The following ABR variants were observed in gnomAD, a reference collection of about 807,000 sequenced individuals.
ABR encodes ABR activator of RhoGEF and GTPase, also known as active breakpoint cluster region-related protein.
A neutral mutation model predicts 107.2 loss-of-function variants in ABR; 35 were observed. That is an observed-to-expected ratio of 0.33 (90% CI 0.25 to 0.43). The LOEUF is 0.43. Ranked by LOEUF, ABR falls within the 20% of genes least tolerant of loss-of-function variation. The pLI, the probability that ABR is intolerant of heterozygous loss-of-function variation, is 1.00. For missense variants in ABR, 815 were observed against 1,115.2 expected (o/e 0.73, Z 3.83); for synonymous variants, 498 against 462.0 (o/e 1.08, Z -1.00).
intron 16 of ABR, among the ~76,000 whole-genome samples, chr17:1,025,783 A>C (rs924757059): frequency 1.3e-5 from 2 of 151,732 alleles, no homozygotes; most frequent in Admixed American, 6.6e-5. Context: ...ACCGGCAAGG[A>C]TCTCATTTGT....
chr17:1,178,471 G>A (rs1030302643), intron 1 of ABR, among the ~76,000 whole-genome samples: 1 of 151,966 alleles, frequency 6.6e-6, no homozygotes, highest in African/African-American at 2.4e-5. Flanking sequence ...GGCTGAGGCG[G>A]GAGAATCACT....
At chr17:1,052,084 ACC>A (rs2032619171) in intron 14 of ABR, among the ~76,000 whole-genome samples, 3 of 149,886 alleles carry the variant, frequency 2.0e-5, no homozygotes, top group South Asian at 2.1e-4. Flanking sequence ...AAAAAAAAAA[ACC>A]AAAAAAACCA....
chr17:1,114,185 A>AC (rs4013601), intron 2 of ABR, among the ~76,000 whole-genome samples: 1 of 150,728 alleles, frequency 6.6e-6, no homozygotes, highest in African/African-American at 2.4e-5. Context: ...AAAAAAAAAA[A>AC]TTAGGCTGGG....
At chr17:1,055,739 G>A (rs984444364) in intron 14 of ABR, 5 of 320,974 alleles carry the variant, frequency 1.6e-5, no homozygotes, top group Admixed American at 1.2e-4. Flanking sequence ...ATGTTGGCCC[G>A]GATGGTCTCG....
intron 1 of ABR, among the ~76,000 whole-genome samples, chr17:1,212,575 T>G (rs1262594744): frequency 6.6e-6 from 1 of 150,476 alleles, no homozygotes; most frequent in Non-Finnish European, 1.5e-5. Flanking sequence ...GCCAACATGG[T>G]GAAACCTCGT....
rs565001688 is a variant in ABR, at chr17:1,051,762, G to A, written c.1562-1128C>T. Among the ~76,000 whole-genome samples, 19 of 152,264 alleles carry A rather than the reference G, an allele frequency of 1.2e-4. No individual in the cohort carries two copies. The highest frequency in any genetic ancestry group is 3.4e-3 in the Middle Eastern group (1 of 294). ...ACTTAGCCCCTGCAGCTGCCCAGCT[G>A]GGCCATTCTCCATCAGAACAGCTTT... is the stretch of plus-strand genomic sequence containing the variant. On this transcript the variant is annotated intron_variant, in intron 14 of 22. Transcript: ENST00000302538. This position sits in a 1 kb window ranked among gnomAD's most constrained non-coding sequence, Gnocchi z 4.3.
At chr17:1,140,216 C>T (rs1415701200) in intron 1 of ABR, among the ~76,000 whole-genome samples, 1 of 152,206 alleles carries the variant, frequency 6.6e-6, no homozygotes, top group South Asian at 2.1e-4. Context: ...ACTGAAAATG[C>T]GGCCACAGCA....
chr17:1,177,282 C>A (rs538934402), intron 1 of ABR, among the ~76,000 whole-genome samples: 1 of 152,306 alleles, frequency 6.6e-6, no homozygotes, highest in South Asian at 2.1e-4. Flanking sequence ...AGCACCTCCC[C>A]GGGAAGCCTC....
intron 2 of ABR, 69 bp from the exon 3 acceptor site, chr17:1,100,804 C>G (rs888665093): frequency 7.3e-6 from 10 of 1,373,006 alleles, no homozygotes; most frequent in Non-Finnish European, 1.0e-5. Flanking sequence ...GGACGGTCTG[C>G]TTCCCTGCCC....
intron 10 of ABR, among the ~76,000 whole-genome samples, chr17:1,062,901 G>C (rs1252230899): frequency 2.1e-5 from 3 of 143,730 alleles, no homozygotes; most frequent in East Asian, 4.0e-4. Context: ...GGCTATGCAT[G>C]TTCCTCTAGA....
At chr17:1,099,510 C>T (rs952319936) in intron 3 of ABR, among the ~76,000 whole-genome samples, 2 of 151,722 alleles carry the variant, frequency 1.3e-5, no homozygotes, top group South Asian at 4.2e-4. Context: ...TCTTAGAATT[C>T]TTGTTAAGAA....
intron 14 of ABR, among the ~76,000 whole-genome samples, chr17:1,053,773 CTG>C (rs1481388105): frequency 6.6e-6 from 1 of 152,158 alleles, no homozygotes. Flanking sequence ...GGTCGGCTCC[CTG>C]AGGCGAGGAC....
At chr17:1,161,555 A>ATT (rs533692775) in intron 1 of ABR, among the ~76,000 whole-genome samples, 12 of 131,678 alleles carry the variant, frequency 9.1e-5, no homozygotes, top group South Asian at 2.4e-4. Context: ...CAAAGTCACT[A>ATT]TTTTTTTTTT....
rs1245048404 is a variant in ABR, at chr17:1,027,713, G to A, written c.1792-14549C>T. Among the ~76,000 whole-genome samples, 1 of 152,042 alleles carries A rather than the reference G, an allele frequency of 6.6e-6. No homozygotes were observed. The highest frequency in any genetic ancestry group is 2.4e-5 in the African/African-American group (1 of 41,392). On this transcript the variant is annotated intron_variant, in intron 16 of 22. Transcript: ENST00000302538. The surrounding 1 kb of genome is among the most constrained non-coding windows in gnomAD (Gnocchi z 4.7). Reference sequence around the variant, plus strand: ...TCCAGCTCTCGGGGGAGGCAGCACTGTAGTCCCCTGTCTGTGGCTGAGGGG... The same window carrying A: ...TCCAGCTCTCGGGGGAGGCAGCACTATAGTCCCCTGTCTGTGGCTGAGGGG...
At chr17:1,049,316 C>T (rs776669436) in intron 16 of ABR, among the ~76,000 whole-genome samples, 35 of 152,088 alleles carry the variant, frequency 2.3e-4, no homozygotes, top group Non-Finnish European at 4.0e-4. Flanking sequence ...TACAGGCGCC[C>T]GCCACCACGA....
intron 21 of ABR, among the ~76,000 whole-genome samples, chr17:1,009,447 T>C (rs1046949397): frequency 2.6e-5 from 4 of 152,158 alleles, no homozygotes; most frequent in Non-Finnish European, 4.4e-5. Context: ...GACCCAAATA[T>C]TTCTCAAAAC....
rs542577539 is a variant in ABR, at chr17:1,143,944, G to T, written c.62-18577C>A. On this transcript the variant is annotated intron_variant, in intron 1 of 22. Coordinates refer to ENST00000302538, the MANE Select transcript of ABR (RefSeq NM_021962.5). ...TTTTACACGGTGAGCCCACGGCCAG[G>T]ATCTCATTTCATCCCCACAGCCCAG... 6.6e-5 allele frequency among the ~76,000 whole-genome samples: 10 copies of T among 152,252 alleles called. No homozygotes were observed. The South Asian group carries it at 2.1e-3, about 32-fold the overall frequency.
chr17:1,116,848 G>A (rs116235716), intron 2 of ABR, among the ~76,000 whole-genome samples: 243 of 152,278 alleles, frequency 1.6e-3, no homozygotes, highest in African/African-American at 5.7e-3. Context: ...TTGCAGCAGG[G>A]ACCCAAGATC....
In ABR at chr17:1,050,639, G is replaced by T; in HGVS notation, c.1562-5C>A. ...CCTCCAGGGTACAGTACAGGTCTGTGGGGGAAGGACAGACGGAGATACTGA... is the reference window on the plus strand; with the variant it reads ...CCTCCAGGGTACAGTACAGGTCTGTTGGGGAAGGACAGACGGAGATACTGA... On this transcript the variant is annotated splice_polypyrimidine_tract_variant and splice_region_variant and intron_variant, in intron 14 of 22. Transcript: ENST00000302538. The surrounding 1 kb of genome is among the most constrained non-coding windows in gnomAD (Gnocchi z 4.6). 6.2e-7 allele frequency: 1 copy of T among 1,612,584 alleles called. No individual in the cohort carries two copies. Among genetic ancestry groups the T allele is most frequent in the South Asian group, 1.1e-5 (1 of 91,052 alleles).
Sources: allele counts gnomAD v4.1 joint callset (sites outside exome capture counted in the v4.1 genomes callset), GRCh38; gene constraint gnomAD v4.1.1; non-coding constraint Gnocchi (gnomAD v3.1); transcripts MANE v1.5; gene names NCBI Gene and HGNC (gene_info 2026-07-23, HGNC 2026-07-21).